DIS3L2: variants seen among roughly 807,000 people sequenced by gnomAD.
DIS3L2 encodes DIS3-like exonuclease 2.
In DIS3L2, 34 loss-of-function variants were observed where a neutral mutation model predicts 97.5. The ratio of observed to expected loss-of-function variants is 0.35; its 90% CI spans 0.27 to 0.46. DIS3L2 has a LOEUF of 0.46. Among genes scored for constraint, DIS3L2 ranks in the 20% least tolerant of loss-of-function variants. The pLI, the probability that DIS3L2 is intolerant of heterozygous loss-of-function variation, is 1.00. For synonymous variants in DIS3L2, 435 were observed against 445.2 expected (o/e 0.98, Z 0.29); for missense variants, 1,038 against 1,146.0 (o/e 0.91, Z 1.36).
chr2:231,963,479 G>T (rs144123068), intron 1 of DIS3L2, among the ~76,000 whole-genome samples: 51 of 152,262 alleles, frequency 3.3e-4, no homozygotes, highest in Non-Finnish European at 5.9e-4. Flanking sequence ...GTTCCATAGG[G>T]ATTCTGGATA....
chr2:232,304,704 C>G (rs1034234366), intron 14 of DIS3L2, among the ~76,000 whole-genome samples: 1 of 152,210 alleles, frequency 6.6e-6, no homozygotes, highest in Non-Finnish European at 1.5e-5. Context: ...TCTCTGCAGC[C>G]TGAGTGAGTG....
intron 9 of DIS3L2, 68 bp from the exon 10 acceptor site, chr2:232,210,258 C>G (rs894705102): frequency 8.1e-7 from 1 of 1,233,070 alleles, no homozygotes; most frequent in African/African-American, 1.5e-5. Context: ...TTCTTTAAAG[C>G]TGTACTATGG....
At chr2:232,121,572 G>T (rs958657153) in intron 6 of DIS3L2, among the ~76,000 whole-genome samples, 3 of 152,042 alleles carry the variant, frequency 2.0e-5, no homozygotes, top group African/African-American at 7.3e-5. Context: ...ATCCTTTCTT[G>T]GTTGCACTGA....
chr2:232,236,208 T>A (rs926474988), intron 10 of DIS3L2, among the ~76,000 whole-genome samples: 2 of 152,182 alleles, frequency 1.3e-5, no homozygotes, highest in African/African-American at 2.4e-5. Context: ...CATTTTTCCA[T>A]TTTAAAAACT....
intron 9 of DIS3L2, among the ~76,000 whole-genome samples, chr2:232,205,232 A>G (rs902701947): frequency 6.7e-6 from 1 of 149,018 alleles, no homozygotes; most frequent in African/African-American, 2.5e-5. Flanking sequence ...ATATATATAT[A>G]TATATAAAAT....
At chr2:232,002,358 G>T (rs1028485604) in intron 1 of DIS3L2, among the ~76,000 whole-genome samples, 6 of 152,018 alleles carry the variant, frequency 3.9e-5, no homozygotes, top group African/African-American at 1.4e-4. Flanking sequence ...GGGGTCTTTT[G>T]TGATTCTATA....
At position 232,330,770 on chromosome 2, in the gene DIS3L2, C is replaced by A. The variant is rs1559216843; in HGVS notation, c.2004C>A (p.Pro668=). Residue 668 remains proline (P), a synonymous_variant, in exon 16 of 21, where the codon CCC becomes CCA. Transcript: ENST00000325385. The stretch of plus-strand genomic sequence containing the variant: ...TGCTCACCAACATGTGCTCCCGGCC[C>A]ATGCAGGTAAGGAGGGCCCAGCCCC... ...KEVLTNMCSR[P]MQMALYFCSG... 1.2e-6 allele frequency: 2 copies of A among 1,611,172 alleles called. No individual in the cohort carries two copies. The highest frequency in any genetic ancestry group is 1.1e-5 in the South Asian group (1 of 91,088).
At chr2:232,202,428 C>T (rs773149551) in intron 9 of DIS3L2, among the ~76,000 whole-genome samples, 2 of 152,052 alleles carry the variant, frequency 1.3e-5, no homozygotes, top group Non-Finnish European at 2.9e-5. Flanking sequence ...AAACATAGAA[C>T]GATGAGAGGT....
At position 232,088,303 on chromosome 2, in the gene DIS3L2, T is replaced by C. The variant is rs1272807343; in HGVS notation, c.601+582T>C. Among the ~76,000 whole-genome samples the C allele has an allele frequency of 5.3e-5, 8 of 149,632 alleles. 1 individual carries two copies. The highest frequency in any genetic ancestry group is 2.7e-4 in the Admixed American group (4 of 14,760). The stretch of plus-strand genomic sequence containing the variant: ...GGCTCACGCCTGTAATCCCAGCACT[T>C]TGGGAGGCCGAGGTGGGCGGATCAC... On this transcript the variant is annotated intron_variant, in intron 6 of 20. Transcript: ENST00000325385.
At chr2:232,316,681 G>GC (rs759714351) in intron 14 of DIS3L2, among the ~76,000 whole-genome samples, 1 of 152,202 alleles carries the variant, frequency 6.6e-6, no homozygotes, top group Non-Finnish European at 1.5e-5. Flanking sequence ...CCCTGCTTCT[G>GC]CCTATTTCCT....
intron 10 of DIS3L2, among the ~76,000 whole-genome samples, chr2:232,237,120 C>T (rs541695957): frequency 6.6e-6 from 1 of 152,284 alleles, no homozygotes; most frequent in African/African-American, 2.4e-5. Flanking sequence ...TACACACATA[C>T]ATGTATATGT....
chr2:232,181,812 T>C (rs1232251401), intron 9 of DIS3L2, among the ~76,000 whole-genome samples: 1 of 130,084 alleles, frequency 7.7e-6, no homozygotes. Flanking sequence ...AATTTTTGTT[T>C]GTTTGTTTGT....
intron 14 of DIS3L2, chr2:232,328,913 T>A (rs1695652216): frequency 6.6e-6 from 1 of 152,266 alleles, no homozygotes; most frequent in Non-Finnish European, 1.5e-5. Context: ...GATTTGGTGG[T>A]AGGGTCAGTG....
chr2:232,083,070 C>CT (rs757889781), intron 5 of DIS3L2, among the ~76,000 whole-genome samples: 2 of 150,564 alleles, frequency 1.3e-5, no homozygotes, highest in Non-Finnish European at 3.0e-5. Flanking sequence ...AAAGACCCAC[C>CT]CCCCCATGAT....
At chr2:232,332,323 G>A (rs555062250) in intron 16 of DIS3L2, among the ~76,000 whole-genome samples, 123 of 152,194 alleles carry the variant, frequency 8.1e-4, no homozygotes, top group South Asian at 2.1e-3. Context: ...GTTAGGGAGC[G>A]GAGCAGGTCA....
chr2:232,135,579 G>A (rs1698332805), intron 7 of DIS3L2, among the ~76,000 whole-genome samples: 10 of 152,140 alleles, frequency 6.6e-5, no homozygotes, highest in Admixed American at 5.2e-4. Flanking sequence ...AGCATGTTTT[G>A]GGACTGAGCT....
intron 10 of DIS3L2, among the ~76,000 whole-genome samples, chr2:232,219,801 C>G (rs1264050377): frequency 1.3e-5 from 2 of 152,142 alleles, no homozygotes; most frequent in African/African-American, 4.8e-5. Context: ...CTCCACCTCC[C>G]TCCTGCCTGT....
At chr2:232,247,909 A>T (rs1363465322) in intron 11 of DIS3L2, among the ~76,000 whole-genome samples, 1 of 152,204 alleles carries the variant, frequency 6.6e-6, no homozygotes, top group Non-Finnish European at 1.5e-5. Flanking sequence ...GCAAGAAAAA[A>T]ATTTCAAAGG....
chr2:232,199,770 G>A (rs1406681954), intron 9 of DIS3L2, among the ~76,000 whole-genome samples: 1 of 152,108 alleles, frequency 6.6e-6, no homozygotes, highest in Non-Finnish European at 1.5e-5. Context: ...ATTTATAGGG[G>A]AGAGGTAAGA....
Sources: gnomAD v4.1 joint callset for allele counts (sites outside exome capture counted in the v4.1 genomes callset) on GRCh38, gnomAD v4.1.1 for gene constraint, MANE v1.5 for transcripts, NCBI Gene and HGNC (gene_info 2026-07-23, HGNC 2026-07-21) for gene names.